The following IQCM variants were observed in gnomAD, a reference collection of about 807,000 sequenced individuals.
IQCM encodes the protein IQ motif containing M, also known as IQ domain-containing protein M.
IQCM carries 45 observed loss-of-function variants against 57.6 expected under a neutral mutation model. That is an observed-to-expected ratio of 0.78 (90% CI 0.62 to 1.00). The LOEUF (loss-of-function observed/expected upper bound fraction) is 1.00, where lower values mean the gene tolerates loss of function less well. Ranked by LOEUF, IQCM falls within the 50% of genes least tolerant of loss-of-function variation. The pLI, the probability that IQCM is intolerant of heterozygous loss-of-function variation, is 0.00. For synonymous variants in IQCM, 148 were observed against 158.9 expected (o/e 0.93, Z 0.51); for missense variants, 468 against 511.6 (o/e 0.91, Z 0.82).
chr4:149,765,969 C>T (rs1770005707), intron 2 of IQCM, among the ~76,000 whole-genome samples: 1 of 152,052 alleles, frequency 6.6e-6, no homozygotes, highest in East Asian at 1.9e-4. Flanking sequence ...TAGCAGCACC[C>T]ATTTCCTAGC....
chr4:149,780,077 C>T (rs1771463817), intron 2 of IQCM, among the ~76,000 whole-genome samples: 1 of 151,884 alleles, frequency 6.6e-6, no homozygotes, highest in South Asian at 2.1e-4. Flanking sequence ...GATATTTGTT[C>T]GATTTAAGCC....
rs575008425 is a variant in IQCM, at chr4:149,695,347, T to C, written c.386-8879A>G. Among the ~76,000 whole-genome samples, 4 of 152,308 alleles carry C rather than the reference T, an allele frequency of 2.6e-5. No homozygotes were observed. The East Asian group carries it at 5.8e-4, about 22-fold the overall frequency. On this transcript the variant is annotated intron_variant, in intron 5 of 13. Transcript: ENST00000636793. ...TAGGAATGAAATTAACTACAAATAA[T>C]TACATAATTCCAAATACAGCGCTAT...
At chr4:149,714,163 T>C (rs1764796300) in intron 5 of IQCM, among the ~76,000 whole-genome samples, 1 of 152,196 alleles carries the variant, frequency 6.6e-6, no homozygotes, top group Admixed American at 6.5e-5. Flanking sequence ...AAGCAGAATC[T>C]AACACAGTAG....
intron 9 of IQCM, among the ~76,000 whole-genome samples, chr4:149,577,930 A>C (rs1751820326): frequency 6.6e-6 from 1 of 151,552 alleles, no homozygotes; most frequent in Non-Finnish European, 1.5e-5. Flanking sequence ...CATTGTAGAG[A>C]TCTTTCACCT....
rs532843204 is a variant in IQCM at position 149,589,693 on chromosome 4, T to C, written c.682-1696A>G. On this transcript the variant is annotated intron_variant, in intron 8 of 13. Coordinates refer to ENST00000636793, the MANE Select transcript of IQCM (RefSeq NM_001363507.2). ...TAACCCGGAAAATTGTTGTGCATCA[T>C]CTCTCAATATTTGTTACATTTAGAA... 9.2e-5 allele frequency among the ~76,000 whole-genome samples: 14 copies of C among 152,110 alleles called. No homozygotes were observed. In the East Asian group the frequency reaches 2.3e-3, roughly 25 times the overall value.
At chr4:149,393,669 G>A (rs759085094) in intron 13 of IQCM, among the ~76,000 whole-genome samples, 2 of 151,798 alleles carry the variant, frequency 1.3e-5, no homozygotes, top group African/African-American at 4.8e-5. Context: ...CAACAAAAAC[G>A]GCGGCAATGA....
At chr4:149,396,521 G>A (rs970048098) in intron 13 of IQCM, among the ~76,000 whole-genome samples, 3 of 151,800 alleles carry the variant, frequency 2.0e-5, no homozygotes, top group African/African-American at 7.3e-5. Flanking sequence ...AGTGATTTTT[G>A]CATATCAGTA....
intron 12 of IQCM, among the ~76,000 whole-genome samples, chr4:149,434,668 C>T (rs1397339094): frequency 2.0e-5 from 3 of 152,058 alleles, no homozygotes; most frequent in African/African-American, 7.2e-5. Flanking sequence ...CCAAATCCAT[C>T]CTTTACTGTC....
chr4:149,610,379 A>T (rs1179399142), intron 8 of IQCM, among the ~76,000 whole-genome samples: 3 of 152,048 alleles, frequency 2.0e-5, no homozygotes, highest in Non-Finnish European at 4.4e-5. Context: ...AATAATCCTA[A>T]AATTTATATG....
chr4:149,546,319 T>G (rs551322011), intron 12 of IQCM, among the ~76,000 whole-genome samples: 6 of 152,348 alleles, frequency 3.9e-5, no homozygotes, highest in African/African-American at 1.4e-4. Flanking sequence ...TTATAATCCT[T>G]TGGGTATATA....
intron 9 of IQCM, among the ~76,000 whole-genome samples, chr4:149,578,057 G>A (rs1311728629): frequency 6.6e-6 from 1 of 151,580 alleles, no homozygotes. Context: ...TACTGACTTT[G>A]GTTCATTGAT....
chr4:149,376,744 C>A (rs1560785836), intron 13 of IQCM, among the ~76,000 whole-genome samples: 1 of 152,134 alleles, frequency 6.6e-6, no homozygotes, highest in Non-Finnish European at 1.5e-5. Flanking sequence ...AAAAATTAAA[C>A]ATATTTTTTG....
intron 13 of IQCM, among the ~76,000 whole-genome samples, chr4:149,432,856 G>T (rs531157280): frequency 6.6e-6 from 1 of 151,804 alleles, no homozygotes; most frequent in African/African-American, 2.4e-5. Flanking sequence ...TACAAATAGC[G>T]AATACTTGAA....
At chr4:149,513,601 A>G (rs952915817) in intron 12 of IQCM, among the ~76,000 whole-genome samples, 1 of 152,192 alleles carries the variant, frequency 6.6e-6, no homozygotes, top group Admixed American at 6.6e-5. Context: ...AGACAGAAGT[A>G]AAAATCATGG....
chr4:149,754,444 A>G (rs2149944655), intron 2 of IQCM, among the ~76,000 whole-genome samples: 1 of 152,314 alleles, frequency 6.6e-6, no homozygotes, highest in Admixed American at 6.5e-5. Context: ...CATCTCTCTC[A>G]TCCTCCATGT....
intron 7 of IQCM, among the ~76,000 whole-genome samples, chr4:149,630,975 T>C (rs543137133): frequency 2.6e-5 from 4 of 152,288 alleles, no homozygotes; most frequent in African/African-American, 9.6e-5. Flanking sequence ...TTTCCCTAAA[T>C]GATAAGGGTG....
chr4:149,528,999 T>A (rs1579378453), intron 12 of IQCM, among the ~76,000 whole-genome samples: 2 of 152,266 alleles, frequency 1.3e-5, no homozygotes, highest in East Asian at 3.9e-4. Flanking sequence ...AGTAAAGGAA[T>A]TGAGCACAGA....
At chr4:149,725,041 T>C (rs1235842459) in intron 5 of IQCM, among the ~76,000 whole-genome samples, 1 of 152,142 alleles carries the variant, frequency 6.6e-6, no homozygotes, top group Non-Finnish European at 1.5e-5. Flanking sequence ...TTTCATATTT[T>C]TCCTGACTGC....
In IQCM at chr4:149,699,367, T is replaced by TA. The variant is rs377632868; in HGVS notation, c.386-12900dup. ...GAAAAGTGAATTTTTACCAAGTAAA[T>TA]ACCATGGTCAGAAGCTTAGCAAAAT... On this transcript the variant is annotated intron_variant, in intron 5 of 13. Transcript: ENST00000636793. Among the ~76,000 whole-genome samples, 27 of 152,076 alleles carry TA rather than the reference T, an allele frequency of 1.8e-4. No individual in the cohort carries two copies. The East Asian group carries it at 4.5e-3, about 25-fold the overall frequency.
Sources: gnomAD v4.1 joint callset for allele counts (sites outside exome capture counted in the v4.1 genomes callset) on GRCh38, gnomAD v4.1.1 for gene constraint, MANE v1.5 for transcripts, NCBI Gene and HGNC (gene_info 2026-07-23, HGNC 2026-07-21) for gene names.